FGD4: variants seen among roughly 807,000 people sequenced by gnomAD.
The protein encoded by FGD4 is FYVE, RhoGEF and PH domain containing 4, also known as FYVE, RhoGEF and PH domain-containing protein 4.
A neutral mutation model predicts 102.0 loss-of-function variants in FGD4; 42 were observed. The ratio of observed to expected loss-of-function variants is 0.41; its 90% CI spans 0.32 to 0.53. The LOEUF (loss-of-function observed/expected upper bound fraction) is 0.53. Among genes scored for constraint, FGD4 ranks in the 20% least tolerant of loss-of-function variants. The pLI is 0.21. For missense variants in FGD4, 902 were observed against 1,078.2 expected, an observed-to-expected ratio of 0.84 and a Z score of 2.29; for synonymous variants, 380 against 375.7, an observed-to-expected ratio of 1.01 and a Z score of -0.13.
chr12:32,584,596 CT>C (rs200432138), intron 4 of FGD4, among the ~76,000 whole-genome samples: 41 of 149,242 alleles, frequency 2.7e-4, no homozygotes, highest in East Asian at 1.6e-3. Context: ...TAACCCCCCC[CT>C]CCCAAAAAAA....
chr12:32,620,523 T>TTTTTC (rs1949755121), intron 11 of FGD4, among the ~76,000 whole-genome samples: 1 of 63,672 alleles, frequency 1.6e-5, no homozygotes, highest in Non-Finnish European at 3.1e-5. Context: ...TTTCTTTCTT[T>TTTTTC]TTTTTTTTTT....
intron 14 of FGD4, among the ~76,000 whole-genome samples, chr12:32,626,399 G>A (rs1439532192): frequency 2.0e-5 from 3 of 147,078 alleles, no homozygotes; most frequent in Non-Finnish European, 4.4e-5. Context: ...AGCTGAGATC[G>A]CACCATTGCA....
intron 12 of FGD4, 131 bp from the exon 13 acceptor site, chr12:32,624,845 T>C: frequency 1.3e-6 from 1 of 774,402 alleles, no homozygotes; most frequent in East Asian, 2.5e-5. Context: ...TGTGTTTTAA[T>C]ATGTAGTAAT....
chr12:32,547,068 C>T (rs1443768458), intron 1 of FGD4, among the ~76,000 whole-genome samples: 1 of 152,154 alleles, frequency 6.6e-6, no homozygotes, highest in Non-Finnish European at 1.5e-5. Flanking sequence ...TGTACCTGCT[C>T]AGTGAAAGCC....
intron 1 of FGD4, among the ~76,000 whole-genome samples, chr12:32,517,290 C>A (rs1429606770): frequency 6.6e-6 from 1 of 152,092 alleles, no homozygotes; most frequent in African/African-American, 2.4e-5. Flanking sequence ...ACAGGTATTA[C>A]CATGTTGCCT....
intron 3 of FGD4, among the ~76,000 whole-genome samples, chr12:32,577,668 T>C (rs1025296583): frequency 6.6e-6 from 1 of 152,240 alleles, no homozygotes; most frequent in African/African-American, 2.4e-5. Flanking sequence ...TCAGCCTCTC[T>C]TCCTCTGAAG....
rs543707374 is a variant in FGD4, at chr12:32,547,003, G to A, written c.167-17134G>A. Among the ~76,000 whole-genome samples, 8 of 152,324 alleles carry A rather than the reference G, an allele frequency of 5.3e-5. 1 individual carries two copies. Among genetic ancestry groups the A allele is most frequent in the Admixed American group, 4.6e-4 (7 of 15,308 alleles). ...CCTGGGTATTTTGAAGCTCCTAGCT[G>A]CATAATCTTGCCTAATAAAGGCACA... On this transcript the variant is annotated intron_variant, in intron 1 of 16. Transcript: ENST00000534526.
chr12:32,609,756 T>TA (rs1360641766), intron 8 of FGD4, among the ~76,000 whole-genome samples: 6 of 152,170 alleles, frequency 3.9e-5, no homozygotes, highest in African/African-American at 1.4e-4. Flanking sequence ...AGCAGTACAC[T>TA]GAAGACAAAA....
At chr12:32,480,403 C>T (rs1421495959) in intron 1 of FGD4, among the ~76,000 whole-genome samples, 1 of 151,990 alleles carries the variant, frequency 6.6e-6, no homozygotes, top group African/African-American at 2.4e-5. Context: ...TCTTCGTGAT[C>T]CGCCCACTTC....
rs189927398 is a variant in FGD4, at chr12:32,465,625, G to A, written c.166+65666G>A. Among the ~76,000 whole-genome samples, 176 of 151,752 alleles carry A rather than the reference G, an allele frequency of 1.2e-3. 1 individual carries two copies. The highest frequency in any genetic ancestry group is 2.7e-3 in the South Asian group (13 of 4,814). ...AGAGGTTGCAGTGAGCTGAGATCGC[G>A]CCACTGCGCTCCAGCCTGGCGACAG... On this transcript the variant is annotated intron_variant, in intron 1 of 16. Transcript: ENST00000534526.
chr12:32,437,966 C>T (rs1942290410), intron 1 of FGD4, among the ~76,000 whole-genome samples: 1 of 152,058 alleles, frequency 6.6e-6, no homozygotes, highest in Non-Finnish European at 1.5e-5. Flanking sequence ...AATCTCAGCT[C>T]ACTGCAGGCT....
At chr12:32,466,907 T>G (rs1943269772) in intron 1 of FGD4, among the ~76,000 whole-genome samples, 1 of 143,032 alleles carries the variant, frequency 7.0e-6, no homozygotes, top group South Asian at 2.3e-4. Context: ...CAATTACACC[T>G]CCTACGGAAT....
chr12:32,551,376 G>A (rs543532393), intron 1 of FGD4, among the ~76,000 whole-genome samples: 6 of 152,322 alleles, frequency 3.9e-5, no homozygotes, highest in African/African-American at 7.2e-5. Context: ...GCTAGCTACT[G>A]TTGTAGTATG....
At chr12:32,501,121 GGC>G (rs1392232935) in intron 1 of FGD4, among the ~76,000 whole-genome samples, 1 of 152,194 alleles carries the variant, frequency 6.6e-6, no homozygotes, top group African/African-American at 2.4e-5. Flanking sequence ...ATGCAGTCAT[GGC>G]TTACTACAGC....
chr12:32,508,895 A>G (rs74761137), intron 1 of FGD4, among the ~76,000 whole-genome samples: 63 of 152,300 alleles, frequency 4.1e-4, no homozygotes, highest in African/African-American at 1.5e-3. Context: ...AACTTAAACT[A>G]TTGCACCTGT....
intron 11 of FGD4, 103 bp downstream of exon 11, chr12:32,619,973 A>G (rs1949704022): frequency 7.4e-7 from 1 of 1,351,522 alleles, no homozygotes; most frequent in African/African-American, 1.4e-5. Flanking sequence ...AATGCTGCAT[A>G]TCTCTGGAAC....
At chr12:32,508,886 A>G (rs1939066017) in intron 1 of FGD4, among the ~76,000 whole-genome samples, 1 of 152,232 alleles carries the variant, frequency 6.6e-6, no homozygotes, top group African/African-American at 2.4e-5. Flanking sequence ...TGCCTGAACA[A>G]CTTAAACTAT....
In FGD4 at chr12:32,543,894, TG is replaced by T. The variant is rs367570843; in HGVS notation, c.167-20240del. Among the ~76,000 whole-genome samples, 776 of 152,240 alleles carry T rather than the reference TG, an allele frequency of 5.1e-3. 7 individuals carry two copies. Among genetic ancestry groups the T allele is most frequent in the African/African-American group, 0.017 (709 of 41,548 alleles). ...CGCCCGCCTCGGCCTCCCAAAGTGC[TG>T]GGATTACAGGTGTGAGCCACCGCAC... On this transcript the variant is annotated intron_variant, in intron 1 of 16. Coordinates refer to ENST00000534526, the MANE Select transcript of FGD4 (RefSeq NM_001370298.3).
chr12:32,574,414 T>C (rs1487609327), intron 2 of FGD4, among the ~76,000 whole-genome samples: 1 of 152,008 alleles, frequency 6.6e-6, no homozygotes, highest in Non-Finnish European at 1.5e-5. Flanking sequence ...AAAAGGGTTT[T>C]TTGGTGGGAG....
Sources: gnomAD v4.1 joint callset for allele counts (sites outside exome capture counted in the v4.1 genomes callset) on GRCh38, gnomAD v4.1.1 for gene constraint, MANE v1.5 for transcripts, NCBI Gene and HGNC (gene_info 2026-07-23, HGNC 2026-07-21) for gene names.